The following DDR2 variants were observed in gnomAD, a reference collection of about 807,000 sequenced individuals.
The protein encoded by DDR2 is discoidin domain-containing receptor 2.
DDR2 carries 27 observed loss-of-function variants against 94.9 expected under a neutral mutation model. The observed-to-expected ratio is 0.28, with a 90% CI of 0.21 to 0.39. The LOEUF (loss-of-function observed/expected upper bound fraction) is 0.39. Ranked by LOEUF, DDR2 falls within the 10% of genes least tolerant of loss-of-function variation. The pLI is 1.00. For synonymous variants in DDR2, 382 were observed against 377.2 expected (o/e 1.01, Z -0.15); for missense variants, 783 against 1,076.0 (o/e 0.73, Z 3.81).
chr1:162,781,319 C>A lies in DDR2; in HGVS notation c.*1073C>A, dbSNP rs1236700887. On this transcript the variant is annotated 3_prime_UTR_variant, in exon 18 of 18. Transcript: ENST00000367921. ...TGGCCTTGTCTAAGAGGGAATAGAT[C>A]TGTTCTGAGTGTCCCCAAAAAAGTT... The A allele has an allele frequency of 1.3e-5, 2 of 152,174 alleles. No individual in the cohort carries two copies. The highest frequency in any genetic ancestry group is 2.9e-5 in the Non-Finnish European group (2 of 68,030). The allele number at this position is 152,174 out of a possible 1,614,324, so 9.4% of individuals were successfully genotyped here.
chr1:162,656,101 G>A (rs189140720), intron 2 of DDR2, among the ~76,000 whole-genome samples: 262 of 152,282 alleles, frequency 1.7e-3, no homozygotes, highest in African/African-American at 6.2e-3. Context: ...TTCATCCTTT[G>A]GCAGGCTAAA....
chr1:162,656,159 G>T (rs1180468413), intron 2 of DDR2, among the ~76,000 whole-genome samples: 1 of 152,134 alleles, frequency 6.6e-6, no homozygotes, highest in African/African-American at 2.4e-5. Flanking sequence ...TTGTGTCTGA[G>T]ACCTTCCCAG....
At chr1:162,732,220 A>T (rs1030503414) in intron 3 of DDR2, among the ~76,000 whole-genome samples, 4 of 152,212 alleles carry the variant, frequency 2.6e-5, no homozygotes, top group African/African-American at 4.8e-5. Flanking sequence ...CCCAAAGAAT[A>T]GCCCTGTAGG....
intron 7 of DDR2, among the ~76,000 whole-genome samples, chr1:162,757,806 C>A (rs567192372): frequency 5.9e-5 from 9 of 152,130 alleles, no homozygotes; most frequent in Middle Eastern, 3.4e-3. Flanking sequence ...AAGGCCATAA[C>A]CGTGACTGTG....
chr1:162,759,918 C>T lies in DDR2; in HGVS notation c.794C>T (p.Thr265Ile). The T allele has an allele frequency of 6.2e-7, 1 of 1,614,118 alleles. No homozygotes were observed. Among genetic ancestry groups the T allele is most frequent in the Non-Finnish European group, 8.5e-7 (1 of 1,180,012 alleles). Residue 265 changes from threonine (T) to isoleucine (I), a missense_variant, in exon 8 of 18, where the codon ACC becomes ATC. Coordinates refer to ENST00000367921, the MANE Select transcript of DDR2 (RefSeq NM_006182.4). ...GTGGGCTGGCGGAACGAGAGTGCCA[C>T]CAATGGCTACATTGAGATCATGTTT... is the stretch of plus-strand genomic sequence containing the variant. ...DYVGWRNESATNGYIEIMFEF... is the reference protein window; with the variant it reads ...DYVGWRNESAINGYIEIMFEF...
intron 1 of DDR2, among the ~76,000 whole-genome samples, chr1:162,638,492 G>A (rs918157600): frequency 6.6e-6 from 1 of 152,158 alleles, no homozygotes; most frequent in Non-Finnish European, 1.5e-5. Context: ...TGTGTTTTTG[G>A]CAATTTTAAA....
At chr1:162,647,236 G>T (rs1476340620) in intron 1 of DDR2, among the ~76,000 whole-genome samples, 2 of 152,180 alleles carry the variant, frequency 1.3e-5, no homozygotes, top group African/African-American at 2.4e-5. Flanking sequence ...GGATGAGATA[G>T]AATAAATCTT....
intron 2 of DDR2, among the ~76,000 whole-genome samples, chr1:162,694,095 C>T (rs914013161): frequency 6.6e-6 from 1 of 152,110 alleles, no homozygotes; most frequent in Non-Finnish European, 1.5e-5. Flanking sequence ...AGGGTGGTCT[C>T]AAACTCCTGG....
At chr1:162,735,594 C>A (rs1037268814) in intron 3 of DDR2, among the ~76,000 whole-genome samples, 1 of 152,134 alleles carries the variant, frequency 6.6e-6, no homozygotes, top group Non-Finnish European at 1.5e-5. Flanking sequence ...GAAATGCAAT[C>A]ACAATACATA....
chr1:162,637,053 G>T (rs1656863616), intron 1 of DDR2, among the ~76,000 whole-genome samples: 1 of 151,978 alleles, frequency 6.6e-6, no homozygotes, highest in Admixed American at 6.6e-5. Flanking sequence ...GGTAAACTCT[G>T]TCATAATTTT....
chr1:162,753,269 C>G, intron 4 of DDR2, 72 bp downstream of exon 4: 2 of 1,410,080 alleles, frequency 1.4e-6, no homozygotes, highest in Non-Finnish European at 2.0e-6. Flanking sequence ...ATTCCTGACC[C>G]TAGGGGCTGG....
Position 162,781,544 on chromosome 1 carries a change from A to G in DDR2, c.*1298A>G, listed in dbSNP as rs1647906956. 6.6e-6 allele frequency: 1 copy of G among 152,292 alleles called. No homozygotes were observed. The highest frequency in any genetic ancestry group is 6.5e-5 in the Admixed American group (1 of 15,286). 9.4% of individuals were successfully genotyped at this position (152,292 alleles called of 1,614,324 possible). ...TTTCAAACACAAAGTGGATGGTGGT[A>G]TGAGACAATGTTTAATGTCCTTCTA... On this transcript the variant is annotated 3_prime_UTR_variant, in exon 18 of 18. Coordinates refer to ENST00000367921, the MANE Select transcript of DDR2 (RefSeq NM_006182.4).
chr1:162,759,762 T>G (rs1271170404), intron 7 of DDR2, 34 bp from the exon 8 acceptor site: 1 of 1,612,716 alleles, frequency 6.2e-7, no homozygotes. Flanking sequence ...CAGATTTCTC[T>G]CTCCTTTTCC....
At chr1:162,683,794 G>T (rs1292217525) in intron 2 of DDR2, among the ~76,000 whole-genome samples, 2 of 152,048 alleles carry the variant, frequency 1.3e-5, no homozygotes, top group African/African-American at 4.8e-5. Flanking sequence ...ATATACTAAA[G>T]ATGGCAATTC....
chr1:162,732,599 C>T (rs1250989856), intron 3 of DDR2, among the ~76,000 whole-genome samples: 2 of 152,220 alleles, frequency 1.3e-5, no homozygotes, highest in East Asian at 1.9e-4. Flanking sequence ...TGGGCTCCAA[C>T]GTTTTATGAT....
chr1:162,777,209 GATTTTTTTCTATACATAT>G (rs1344918452), intron 16 of DDR2, among the ~76,000 whole-genome samples: 9 of 151,740 alleles, frequency 5.9e-5, no homozygotes, highest in Non-Finnish European at 1.0e-4. Context: ...TTTCTTAGAG[GATTTTTTTCTATACATAT>G]ATTTTTTCTA....
chr1:162,760,452 A>G (rs1158037463), intron 8 of DDR2, among the ~76,000 whole-genome samples: 1 of 148,044 alleles, frequency 6.8e-6, no homozygotes, highest in Non-Finnish European at 1.5e-5. Flanking sequence ...ATAACCATAT[A>G]TACATATACA....
intron 2 of DDR2, among the ~76,000 whole-genome samples, chr1:162,691,765 T>C (rs148827610): frequency 7.5e-4 from 115 of 152,360 alleles, no homozygotes; most frequent in African/African-American, 2.6e-3. Context: ...CTTATGAGCC[T>C]GTACAAACTG....
intron 2 of DDR2, among the ~76,000 whole-genome samples, chr1:162,686,788 G>A (rs1013820121): frequency 6.6e-6 from 1 of 152,194 alleles, no homozygotes; most frequent in Non-Finnish European, 1.5e-5. Flanking sequence ...ATATTGGCCA[G>A]GCTGGTCTTG....
Sources: allele counts gnomAD v4.1 joint callset (sites outside exome capture counted in the v4.1 genomes callset), GRCh38; gene constraint gnomAD v4.1.1; transcripts MANE v1.5; gene names NCBI Gene and HGNC (gene_info 2026-07-23, HGNC 2026-07-21).